Variants in DESI2 observed in about 807,000 individuals in gnomAD.
The protein encoded by DESI2 is deubiquitinase DESI2.
In DESI2, 10 loss-of-function variants were observed where a neutral mutation model predicts 24.1. That is an observed-to-expected ratio of 0.41 (90% CI 0.26 to 0.70). DESI2 has a LOEUF of 0.70. Ranked by LOEUF, DESI2 falls within the 30% of genes least tolerant of loss-of-function variation. The pLI is 0.29. For synonymous variants in DESI2, 71 were observed against 87.7 expected (o/e 0.81, Z 1.06); for missense variants, 122 against 234.9 (o/e 0.52, Z 3.14).
rs552439763 is a variant in DESI2, at chr1:244,685,574, C to T, written c.43-1023C>T. ...ATTTTATTTTTATCCACGCTCGGCC[C>T]CAGGTACATTTTAGAAAAAAACACA... On this transcript the variant is annotated intron_variant, in intron 1 of 4. Coordinates refer to ENST00000302550, the MANE Select transcript of DESI2 (RefSeq NM_016076.5). Among the ~76,000 whole-genome samples the T allele has an allele frequency of 2.0e-5, 3 of 152,130 alleles. No homozygotes were observed. The South Asian group carries it at 6.2e-4, about 32-fold the overall frequency.
chr1:244,678,235 A>C (rs1676482290), intron 1 of DESI2, among the ~76,000 whole-genome samples: 1 of 152,160 alleles, frequency 6.6e-6, no homozygotes, highest in Non-Finnish European at 1.5e-5. Flanking sequence ...TGTGGATGGA[A>C]TATTTCTCTT....
intron 1 of DESI2, among the ~76,000 whole-genome samples, chr1:244,663,225 G>T (rs1354257683): frequency 6.6e-6 from 1 of 151,002 alleles, no homozygotes; most frequent in South Asian, 2.1e-4. Context: ...TCGCTCTGTC[G>T]CCCAGGCTGG....
At chr1:244,663,466 G>A (rs1334784297) in intron 1 of DESI2, among the ~76,000 whole-genome samples, 5 of 151,918 alleles carry the variant, frequency 3.3e-5, no homozygotes, top group African/African-American at 9.7e-5. Context: ...GTGAGCCACC[G>A]CACCTGGCTG....
chr1:244,705,776 A>C lies in DESI2; in HGVS notation c.572A>C (p.His191Pro). 1 of 1,609,122 alleles carries C rather than the reference A, an allele frequency of 6.2e-7. No homozygotes were observed. The highest frequency in any genetic ancestry group is 8.5e-7 in the Non-Finnish European group (1 of 1,179,184). The change falls in exon 5 of 5, where the codon CAC becomes CCC. Residue 191 changes from histidine to proline, a missense_variant. His to Pro is a moderately conservative substitution (Grantham distance 77). Around this residue, in one of 6 missense-constraint regions of DESI2, gnomAD observed 56 missense variants for 67.9 expected, o/e 0.82. Coordinates refer to ENST00000302550, the MANE Select transcript of DESI2 (RefSeq NM_016076.5). Reference protein sequence around the residue: ...STAAGSRPGRHTKL With the variant: ...STAAGSRPGRPTKL ...GCAGCAGGCTCCAGACCCGGGCGCC[A>C]CACTAAACTATAAATGTCTCCAAAG...
At chr1:244,686,372 G>A (rs1676823397) in intron 1 of DESI2, among the ~76,000 whole-genome samples, 1 of 151,714 alleles carries the variant, frequency 6.6e-6, no homozygotes, top group Admixed American at 6.6e-5. Context: ...GCTTCCCCTA[G>A]AAGCCTTAGA....
chr1:244,693,081 A>G (rs1261455242), intron 4 of DESI2, among the ~76,000 whole-genome samples: 1 of 152,222 alleles, frequency 6.6e-6, no homozygotes, highest in Admixed American at 6.5e-5. Flanking sequence ...GAGTGCTAAA[A>G]TTAGTGGAGA....
At chr1:244,670,119 G>A (rs1413633853) in intron 1 of DESI2, among the ~76,000 whole-genome samples, 3 of 152,116 alleles carry the variant, frequency 2.0e-5, no homozygotes, top group Non-Finnish European at 4.4e-5. Flanking sequence ...ACCACACCCA[G>A]CTAATTTTTG....
intron 1 of DESI2, among the ~76,000 whole-genome samples, chr1:244,671,114 G>A (rs1173414335): frequency 6.6e-6 from 1 of 152,136 alleles, no homozygotes; most frequent in Non-Finnish European, 1.5e-5. Context: ...ACTGTTTCGC[G>A]GTTTAAGAGA....
chr1:244,694,597 G>A lies in DESI2; in HGVS notation c.351+2577G>A, dbSNP rs539951754. 7.8e-5 allele frequency: 66 copies of A among 847,038 alleles called. 1 individual carries two copies. The highest frequency in any genetic ancestry group is 4.9e-4 in the South Asian group (37 of 75,936). 52.5% of individuals were successfully genotyped at this position (847,038 alleles called of 1,614,324 possible). ...GCACTGCCGTTATACTTTCTCTTGC[G>A]CTTGGCGGGGTAGCCACATTTGCCA... On this transcript the variant is annotated intron_variant, in intron 4 of 4. Transcript: ENST00000302550.
At chr1:244,705,523 C>T in intron 4 of DESI2, 33 bp from the exon 5 acceptor site, 1 of 1,580,692 alleles carries the variant, frequency 6.3e-7, no homozygotes, top group East Asian at 2.2e-5. Flanking sequence ...CTTAACCTCT[C>T]TTACCTAATA....
chr1:244,668,990 T>C (rs1281112664), intron 1 of DESI2, among the ~76,000 whole-genome samples: 1 of 152,118 alleles, frequency 6.6e-6, no homozygotes, highest in Non-Finnish European at 1.5e-5. Context: ...GAATGCTTCT[T>C]AAAAATATTT....
intron 2 of DESI2, 80 bp downstream of exon 2, chr1:244,686,749 C>T: frequency 1.2e-6 from 1 of 854,496 alleles, no homozygotes; most frequent in Non-Finnish European, 1.9e-6. Context: ...CTATAGGTCT[C>T]TCTTTTTTTA....
intron 4 of DESI2, 61 bp from the exon 5 acceptor site, chr1:244,705,495 G>T: frequency 2.1e-6 from 3 of 1,445,944 alleles, no homozygotes; most frequent in Non-Finnish European, 2.9e-6. Context: ...TCCACTCCCT[G>T]GCAGTGGACC....
intron 2 of DESI2, among the ~76,000 whole-genome samples, chr1:244,688,039 A>T (rs989906438): frequency 6.6e-6 from 1 of 152,094 alleles, no homozygotes; most frequent in African/African-American, 2.4e-5. Context: ...CTTGAACCCA[A>T]ATGTTCTTGT....
At chr1:244,682,800 T>A (rs1046051925) in intron 1 of DESI2, among the ~76,000 whole-genome samples, 1 of 151,738 alleles carries the variant, frequency 6.6e-6, no homozygotes, top group Non-Finnish European at 1.5e-5. Flanking sequence ...GTTTGCTGGC[T>A]GTAAGATGTA....
intron 1 of DESI2, among the ~76,000 whole-genome samples, chr1:244,665,005 G>A (rs1675993293): frequency 6.6e-6 from 1 of 152,242 alleles, no homozygotes; most frequent in East Asian, 1.9e-4. Context: ...CTATGTTTAT[G>A]TTGTACTAAA....
At chr1:244,666,379 T>G (rs1676047741) in intron 1 of DESI2, among the ~76,000 whole-genome samples, 1 of 152,218 alleles carries the variant, frequency 6.6e-6, no homozygotes, top group Non-Finnish European at 1.5e-5. Context: ...GTCACCACTC[T>G]TTTCTGCCTC....
At chr1:244,662,611 T>TA (rs1675888368) in intron 1 of DESI2, among the ~76,000 whole-genome samples, 1 of 152,134 alleles carries the variant, frequency 6.6e-6, no homozygotes. Context: ...AGAATAAAGC[T>TA]AATAAAATAT....
chr1:244,683,643 G>A (rs931700391), intron 1 of DESI2, among the ~76,000 whole-genome samples: 1 of 151,942 alleles, frequency 6.6e-6, no homozygotes, highest in Non-Finnish European at 1.5e-5. Flanking sequence ...ACTTGCTTTT[G>A]TTTCCCTAAC....
Sources: allele counts gnomAD v4.1 joint callset (sites outside exome capture counted in the v4.1 genomes callset), GRCh38; gene constraint gnomAD v4.1.1; regional missense constraint gnomAD v4.1.1; transcripts MANE v1.5; gene names NCBI Gene and HGNC (gene_info 2026-07-23, HGNC 2026-07-21).